The following MAGI2 variants were observed in gnomAD, a reference collection of about 807,000 sequenced individuals.
MAGI2 encodes the protein membrane-associated guanylate kinase, WW and PDZ domain-containing protein 2.
A neutral mutation model predicts 133.3 loss-of-function variants in MAGI2; 35 were observed. The ratio of observed to expected loss-of-function variants is 0.26; its 90% CI spans 0.20 to 0.35. The LOEUF (loss-of-function observed/expected upper bound fraction) is 0.35, where lower values mean the gene tolerates loss of function less well. MAGI2 is among the 10% of genes least tolerant of loss of function. MAGI2 has a pLI of 1.00. For missense variants in MAGI2, 1,636 were observed against 1,863.4 expected (o/e 0.88, Z 2.25); for synonymous variants, 729 against 710.6 (o/e 1.03, Z -0.41).
intron 20 of MAGI2, among the ~76,000 whole-genome samples, chr7:78,091,233 G>T (rs539652671): frequency 3.9e-5 from 6 of 152,276 alleles, no homozygotes; most frequent in Non-Finnish European, 7.4e-5. Context: ...ACAGCCCCCA[G>T]TGCAACAGTG....
chr7:78,771,767 T>G (rs924819895), intron 2 of MAGI2, among the ~76,000 whole-genome samples: 1 of 151,532 alleles, frequency 6.6e-6, no homozygotes, highest in Non-Finnish European at 1.5e-5. Flanking sequence ...ACAATAAAAA[T>G]AATAATGTGA....
intron 1 of MAGI2, among the ~76,000 whole-genome samples, chr7:79,074,948 T>C (rs1340315801): frequency 6.6e-6 from 1 of 152,214 alleles, no homozygotes; most frequent in Non-Finnish European, 1.5e-5. Flanking sequence ...GAGTTTGGTA[T>C]AATGGTTCAA....
chr7:79,155,835 G>C (rs1277012190), intron 1 of MAGI2, among the ~76,000 whole-genome samples: 2 of 152,128 alleles, frequency 1.3e-5, no homozygotes, highest in Non-Finnish European at 2.9e-5. Context: ...GGGCCTTGTT[G>C]AAGACTGGGT....
At chr7:79,134,536 C>CTAT (rs1244419134) in intron 1 of MAGI2, among the ~76,000 whole-genome samples, 1 of 152,120 alleles carries the variant, frequency 6.6e-6, no homozygotes, top group East Asian at 1.9e-4. Context: ...ACTGGAAATT[C>CTAT]TATATAAAAC....
intron 3 of MAGI2, among the ~76,000 whole-genome samples, chr7:78,560,650 A>G (rs1800309298): frequency 6.6e-6 from 1 of 152,224 alleles, no homozygotes; most frequent in Non-Finnish European, 1.5e-5. Flanking sequence ...CATCAACAAT[A>G]ATATACAACT....
chr7:78,183,262 T>A (rs2150698564), intron 13 of MAGI2, among the ~76,000 whole-genome samples: 1 of 147,126 alleles, frequency 6.8e-6, no homozygotes, highest in East Asian at 2.0e-4. Context: ...ATTTTTGTAT[T>A]TTTGTATTTT....
chr7:79,221,055 A>T (rs1309488567), intron 1 of MAGI2, among the ~76,000 whole-genome samples: 1 of 151,948 alleles, frequency 6.6e-6, no homozygotes, highest in Admixed American at 6.6e-5. Context: ...CTGATGGTAG[A>T]AGGGTTTTCT....
chr7:78,288,486 G>A (rs182470445), intron 9 of MAGI2, among the ~76,000 whole-genome samples: 20 of 152,164 alleles, frequency 1.3e-4, no homozygotes, highest in African/African-American at 3.1e-4. Flanking sequence ...CAGGAAATAC[G>A]GTAAGGGCAG....
chr7:78,077,139 CTTTTTA>C (rs1447577189), intron 21 of MAGI2, among the ~76,000 whole-genome samples: 4 of 151,904 alleles, frequency 2.6e-5, no homozygotes, highest in Non-Finnish European at 5.9e-5. Context: ...GTTAGATTAA[CTTTTTA>C]AAGATAAACT....
chr7:78,042,051 A>G (rs1810904285), intron 21 of MAGI2, among the ~76,000 whole-genome samples: 1 of 152,186 alleles, frequency 6.6e-6, no homozygotes, highest in Admixed American at 6.5e-5. Context: ...TAACATGGAT[A>G]CTGAGAGCAT....
chr7:78,403,705 G>A (rs1041354029), intron 6 of MAGI2, among the ~76,000 whole-genome samples: 2 of 152,254 alleles, frequency 1.3e-5, no homozygotes, highest in Admixed American at 6.5e-5. Context: ...ACTGGTGTGA[G>A]ATGGTATCTC....
In MAGI2 at chr7:78,318,119, G is replaced by A. The variant is rs182972093; in HGVS notation, c.1408+25659C>T. ...AAGGGAACAAAACTGGACAGAGAAT[G>A]AGTTTGACAAATTGACAGAAGTAGG... On this transcript the variant is annotated intron_variant, in intron 9 of 21. Coordinates refer to ENST00000354212, the MANE Select transcript of MAGI2 (RefSeq NM_012301.4). Among the ~76,000 whole-genome samples the A allele has an allele frequency of 1.6e-4, 25 of 152,268 alleles. No homozygotes were observed. In the East Asian group the frequency reaches 4.8e-3, roughly 29 times the overall value.
chr7:78,287,852 C>T (rs1257560191), intron 9 of MAGI2, among the ~76,000 whole-genome samples: 1 of 152,144 alleles, frequency 6.6e-6, no homozygotes, highest in African/African-American at 2.4e-5. Flanking sequence ...TATGACTACT[C>T]ATTGACAATT....
chr7:78,141,699 C>T (rs748775546), intron 16 of MAGI2, among the ~76,000 whole-genome samples: 3 of 152,212 alleles, frequency 2.0e-5, no homozygotes, highest in Middle Eastern at 3.4e-3. Context: ...TCAAAAAGTG[C>T]GTTTTCCCCC....
chr7:79,119,129 T>C (rs1322590016), intron 1 of MAGI2, among the ~76,000 whole-genome samples: 1 of 152,090 alleles, frequency 6.6e-6, no homozygotes, highest in East Asian at 1.9e-4. Flanking sequence ...TGACATAAAT[T>C]TACTCAGGGA....
At chr7:79,169,251 T>A (rs920609184) in intron 1 of MAGI2, among the ~76,000 whole-genome samples, 3 of 152,076 alleles carry the variant, frequency 2.0e-5, no homozygotes, top group African/African-American at 4.8e-5. Context: ...TTGGTACTCA[T>A]TAAATATCTT....
At chr7:79,155,330 A>G (rs1365374406) in intron 1 of MAGI2, among the ~76,000 whole-genome samples, 2 of 152,168 alleles carry the variant, frequency 1.3e-5, no homozygotes, top group Admixed American at 6.6e-5. Flanking sequence ...ATATTTTACA[A>G]TCAGCACTGT....
intron 21 of MAGI2, chr7:78,077,967 G>C (rs1483202288): frequency 6.6e-6 from 1 of 151,896 alleles, no homozygotes; most frequent in Admixed American, 6.6e-5. Flanking sequence ...GACCTCAGGT[G>C]ATCCGCCTGC....
In MAGI2 at chr7:78,780,998, ATTGT is replaced by A. The variant is rs929442554; in HGVS notation, c.419-153763_419-153760del. On this transcript the variant is annotated intron_variant, in intron 2 of 21. Transcript: ENST00000354212. ...GGCCTCACAAATGATATTCAGATAG[ATTGT>A]TTGGGGAATGACTTCTGATTACTGA... Among the ~76,000 whole-genome samples the A allele has an allele frequency of 9.2e-5, 14 of 152,256 alleles. No individual in the cohort carries two copies. In the East Asian group the frequency reaches 1.5e-3, roughly 17 times the overall value.
Sources: gnomAD v4.1 joint callset for allele counts (sites outside exome capture counted in the v4.1 genomes callset) on GRCh38, gnomAD v4.1.1 for gene constraint, MANE v1.5 for transcripts, NCBI Gene and HGNC (gene_info 2026-07-23, HGNC 2026-07-21) for gene names.